The following PTPRT variants were observed in gnomAD, a reference collection of about 807,000 sequenced individuals.
PTPRT encodes receptor-type tyrosine-protein phosphatase T.
A neutral mutation model predicts 176.8 loss-of-function variants in PTPRT; 56 were observed. The ratio of observed to expected loss-of-function variants is 0.32; its 90% confidence interval spans 0.26 to 0.40. The LOEUF (loss-of-function observed/expected upper bound fraction) is 0.40. PTPRT is among the 10% of genes least tolerant of loss of function. The pLI, the probability that PTPRT is intolerant of heterozygous loss-of-function variation, is 1.00. For missense variants in PTPRT, 1,540 were observed against 1,908.2 expected, an observed-to-expected ratio of 0.81 and a Z score of 3.60; for synonymous variants, 783 against 739.0, an observed-to-expected ratio of 1.06 and a Z score of -0.96.
chr20:43,103,806 T>C (rs2012490707), intron 1 of PTPRT, among the ~76,000 whole-genome samples: 1 of 151,162 alleles, frequency 6.6e-6, no homozygotes. Context: ...GTAGTAATAA[T>C]GAAAAAAATC....
At chr20:43,133,956 T>C (rs1196681548) in intron 1 of PTPRT, among the ~76,000 whole-genome samples, 1 of 152,102 alleles carries the variant, frequency 6.6e-6, no homozygotes, top group Non-Finnish European at 1.5e-5. Context: ...CACTACACTT[T>C]GAAAACTCCT....
chr20:42,987,222 C>G (rs1213369744), intron 1 of PTPRT, among the ~76,000 whole-genome samples: 4 of 152,176 alleles, frequency 2.6e-5, no homozygotes, highest in Non-Finnish European at 4.4e-5. Context: ...GGAGCTTCTC[C>G]CCCAGCTGCC....
intron 18 of PTPRT, among the ~76,000 whole-genome samples, chr20:42,132,404 G>C (rs1003802695): frequency 6.6e-6 from 1 of 152,122 alleles, no homozygotes. Flanking sequence ...AGACTGGGAG[G>C]AAATATTTGC....
intron 7 of PTPRT, among the ~76,000 whole-genome samples, chr20:42,512,906 C>T (rs1185132456): frequency 6.6e-6 from 1 of 152,080 alleles, no homozygotes; most frequent in Non-Finnish European, 1.5e-5. Context: ...GTTGCCCAGA[C>T]TGGAGTGCAA....
chr20:42,488,540 C>T (rs2071501914), intron 7 of PTPRT, among the ~76,000 whole-genome samples: 1 of 152,028 alleles, frequency 6.6e-6, no homozygotes, highest in Admixed American at 6.6e-5. Flanking sequence ...GGATTTTTAT[C>T]TTTATAAACT....
chr20:42,259,998 GT>G (rs1174881271), intron 13 of PTPRT, among the ~76,000 whole-genome samples: 1 of 152,344 alleles, frequency 6.6e-6, no homozygotes, highest in South Asian at 2.1e-4. Context: ...AATGATGACA[GT>G]GGCTATAGCA....
At chr20:42,045,718 T>A in the PTPRT span, among the ~76,000 whole-genome samples, 1 of 152,068 alleles carries the variant, frequency 6.6e-6, no homozygotes, top group African/African-American at 2.4e-5. Flanking sequence ...AAACTGAGAC[T>A]TACAGACACC....
At position 43,143,791 on chromosome 20, in the gene PTPRT, T is replaced by C. The variant is rs188000882; in HGVS notation, c.88+45855A>G. Reference sequence around the variant, plus strand: ...GCAGAATCAACCAAGGGACCTTGCTTGATGTGGGCACTTCCATCAAAAATG... The same window carrying C: ...GCAGAATCAACCAAGGGACCTTGCTCGATGTGGGCACTTCCATCAAAAATG... On this transcript the variant is annotated intron_variant, in intron 1 of 30. Transcript: ENST00000373187. Among the ~76,000 whole-genome samples the C allele has an allele frequency of 4.6e-5, 7 of 152,276 alleles. No individual in the cohort carries two copies. The East Asian group carries it at 1.4e-3, about 29-fold the overall frequency.
intron 28 of PTPRT, among the ~76,000 whole-genome samples, chr20:42,085,258 C>T (rs1983769259): frequency 6.6e-6 from 1 of 152,060 alleles, no homozygotes; most frequent in African/African-American, 2.4e-5. Context: ...CAAGTAGTGA[C>T]CAAAGCTGCA....
chr20:42,892,049 G>A (rs2079202012), intron 1 of PTPRT, among the ~76,000 whole-genome samples: 1 of 152,140 alleles, frequency 6.6e-6, no homozygotes, highest in Non-Finnish European at 1.5e-5. Flanking sequence ...ATTTGCCCAG[G>A]GGCTATAGTT....
chr20:43,172,290 C>T (rs970324860), intron 1 of PTPRT, among the ~76,000 whole-genome samples: 16 of 152,322 alleles, frequency 1.1e-4, no homozygotes, highest in Non-Finnish European at 2.2e-4. Flanking sequence ...TCTATTTCTT[C>T]CTAAAGTAAC....
intron 16 of PTPRT, among the ~76,000 whole-genome samples, chr20:42,170,274 T>C (rs1273800754): frequency 6.6e-6 from 1 of 152,244 alleles, no homozygotes; most frequent in Non-Finnish European, 1.5e-5. Flanking sequence ...AGATAATACA[T>C]TAACTTGCTG....
chr20:42,876,732 T>C (rs1451271768), intron 2 of PTPRT, among the ~76,000 whole-genome samples: 10 of 152,192 alleles, frequency 6.6e-5, no homozygotes, highest in African/African-American at 2.4e-4. Context: ...AATAATTCAG[T>C]TATTTTTAAA....
At chr20:42,731,288 C>A (rs1199434337) in intron 6 of PTPRT, among the ~76,000 whole-genome samples, 4 of 152,214 alleles carry the variant, frequency 2.6e-5, no homozygotes, top group Admixed American at 2.6e-4. Context: ...GGGGCTGTCA[C>A]TTCATCCAAT....
intron 2 of PTPRT, among the ~76,000 whole-genome samples, chr20:42,791,730 C>T (rs1036752362): frequency 2.0e-5 from 3 of 152,302 alleles, no homozygotes; most frequent in East Asian, 1.9e-4. Flanking sequence ...CTACAACGTG[C>T]TACTATTGCT....
At chr20:42,606,489 C>T (rs748680194) in intron 7 of PTPRT, among the ~76,000 whole-genome samples, 18 of 152,266 alleles carry the variant, frequency 1.2e-4, no homozygotes, top group Admixed American at 1.2e-3. Context: ...GAATGACAGC[C>T]GCCATTCATA....
chr20:42,878,963 A>T (rs1037254262), intron 2 of PTPRT, among the ~76,000 whole-genome samples: 1 of 152,168 alleles, frequency 6.6e-6, no homozygotes, highest in Non-Finnish European at 1.5e-5. Context: ...TGGGAGGCGG[A>T]GCTTGCAGTG....
intron 9 of PTPRT, among the ~76,000 whole-genome samples, chr20:42,422,108 A>G (rs1462172126): frequency 1.3e-5 from 2 of 152,242 alleles, no homozygotes; most frequent in Non-Finnish European, 2.9e-5. Flanking sequence ...AATCTGGATG[A>G]CGACCTAACC....
At chr20:42,997,589 T>C (rs1366630583) in intron 1 of PTPRT, among the ~76,000 whole-genome samples, 1 of 152,140 alleles carries the variant, frequency 6.6e-6, no homozygotes, top group Non-Finnish European at 1.5e-5. Flanking sequence ...CGAAAATGAA[T>C]ATGCATGAGC....
Sources: allele counts gnomAD v4.1 joint callset (sites outside exome capture counted in the v4.1 genomes callset), GRCh38; gene constraint gnomAD v4.1.1; transcripts MANE v1.5; gene names NCBI Gene and HGNC (gene_info 2026-07-23, HGNC 2026-07-21).